The following BMPR1B variants were observed in gnomAD, a reference collection of about 807,000 sequenced individuals.
The protein encoded by BMPR1B is bone morphogenetic protein receptor type-1B.
Under a neutral mutation model 59.1 loss-of-function variants are expected in BMPR1B, and 12 were observed. That is an observed-to-expected ratio of 0.20 (90% CI 0.13 to 0.33). BMPR1B has a LOEUF of 0.33. Among genes scored for constraint, BMPR1B ranks in the 10% least tolerant of loss-of-function variants. The pLI is 1.00. For missense variants in BMPR1B, 550 were observed against 610.9 expected (o/e 0.90, Z 1.05); for synonymous variants, 237 against 207.3 (o/e 1.14, Z -1.23).
chr4:94,779,865 T>C (rs1345520728), intron 1 of BMPR1B, among the ~76,000 whole-genome samples: 1 of 152,076 alleles, frequency 6.6e-6, no homozygotes. Flanking sequence ...GATGTTCTCT[T>C]ATATTCCTAA....
intron 3 of BMPR1B, among the ~76,000 whole-genome samples, chr4:95,050,981 A>G (rs1460204603): frequency 3.9e-5 from 6 of 152,318 alleles, no homozygotes; most frequent in African/African-American, 4.8e-5. Flanking sequence ...AAAACTTGCA[A>G]TGGTTTTATT....
intron 2 of BMPR1B, among the ~76,000 whole-genome samples, chr4:94,927,427 G>A (rs976285376): frequency 6.6e-6 from 1 of 152,098 alleles, no homozygotes; most frequent in Admixed American, 6.6e-5. Flanking sequence ...TCCTAAAAGG[G>A]CAGGATCAGA....
At chr4:95,061,016 G>A (rs1017900955) in intron 3 of BMPR1B, among the ~76,000 whole-genome samples, 5 of 144,572 alleles carry the variant, frequency 3.5e-5, no homozygotes, top group African/African-American at 7.8e-5. Context: ...TTGCCTCTTC[G>A]GAAGTAAATA....
intron 1 of BMPR1B, among the ~76,000 whole-genome samples, chr4:94,821,961 T>C (rs1001836727): frequency 1.3e-5 from 2 of 152,200 alleles, no homozygotes; most frequent in Non-Finnish European, 2.9e-5. Flanking sequence ...CATTGACTTA[T>C]TCTGTTTTGG....
intron 2 of BMPR1B, among the ~76,000 whole-genome samples, 191 bp downstream of exon 2, chr4:94,876,091 C>T (rs1726720473): frequency 6.6e-6 from 1 of 152,154 alleles, no homozygotes; most frequent in Non-Finnish European, 1.5e-5. Context: ...TGTAAATCAA[C>T]ATGACAAGGT....
intron 3 of BMPR1B, among the ~76,000 whole-genome samples, chr4:95,034,628 T>C (rs888015441): frequency 6.8e-6 from 1 of 146,288 alleles, no homozygotes; most frequent in African/African-American, 2.5e-5. Flanking sequence ...TATGGCTTAG[T>C]AGTATTCCAT....
At chr4:94,767,576 A>T (rs1386031605) in intron 1 of BMPR1B, among the ~76,000 whole-genome samples, 5 of 152,170 alleles carry the variant, frequency 3.3e-5, no homozygotes, top group Non-Finnish European at 7.4e-5. Context: ...CTTATCGTTA[A>T]CATCTGTAGC....
At chr4:94,978,459 G>A (rs1731111102) in intron 2 of BMPR1B, among the ~76,000 whole-genome samples, 1 of 152,178 alleles carries the variant, frequency 6.6e-6, no homozygotes, top group African/African-American at 2.4e-5. Context: ...CACATTGGAT[G>A]GTTTGGCCTT....
intron 1 of BMPR1B, among the ~76,000 whole-genome samples, chr4:94,845,932 G>T (rs1444983994): frequency 6.6e-6 from 1 of 152,096 alleles, no homozygotes; most frequent in African/African-American, 2.4e-5. Flanking sequence ...TTAGTAATCT[G>T]TGTTAATATT....
At chr4:95,007,624 A>G (rs1722937836) in intron 3 of BMPR1B, among the ~76,000 whole-genome samples, 1 of 152,184 alleles carries the variant, frequency 6.6e-6, no homozygotes. Flanking sequence ...TTGCATTTTA[A>G]AAGGATTTTA....
intron 1 of BMPR1B, among the ~76,000 whole-genome samples, chr4:94,816,756 A>G (rs1404608025): frequency 6.6e-6 from 1 of 152,238 alleles, no homozygotes; most frequent in Non-Finnish European, 1.5e-5. Flanking sequence ...CTTAGAAGGC[A>G]GTACTATGGA....
At chr4:94,773,272 A>G (rs750655058) in intron 1 of BMPR1B, among the ~76,000 whole-genome samples, 2 of 152,072 alleles carry the variant, frequency 1.3e-5, no homozygotes, top group African/African-American at 4.8e-5. Context: ...TAATAGTAGC[A>G]TATATCATTA....
intron 2 of BMPR1B, among the ~76,000 whole-genome samples, chr4:94,896,429 T>A (rs1480774186): frequency 6.6e-6 from 1 of 151,974 alleles, no homozygotes; most frequent in Non-Finnish European, 1.5e-5. Flanking sequence ...CTGAATTAAA[T>A]CTGAAAGTTG....
intron 2 of BMPR1B, among the ~76,000 whole-genome samples, chr4:94,968,126 A>G (rs1349126708): frequency 1.3e-5 from 2 of 152,130 alleles, no homozygotes; most frequent in Non-Finnish European, 2.9e-5. Flanking sequence ...GGACTTCCCT[A>G]GCATCTCTCC....
At chr4:94,814,652 C>T (rs190161789) in intron 1 of BMPR1B, among the ~76,000 whole-genome samples, 8 of 152,256 alleles carry the variant, frequency 5.3e-5, no homozygotes, top group African/African-American at 1.2e-4. Flanking sequence ...ATAAAGAGTG[C>T]TTAAAACTGT....
chr4:95,094,256 GTCATCCTTGAACAAACT>G (rs1178956949), intron 3 of BMPR1B, among the ~76,000 whole-genome samples: 1 of 152,040 alleles, frequency 6.6e-6, no homozygotes, highest in African/African-American at 2.4e-5. Context: ...GAATATTTTA[GTCATCCTTGAACAAACT>G]TTCAGTATGT....
At chr4:94,874,762 C>T (rs926146882) in intron 1 of BMPR1B, among the ~76,000 whole-genome samples, 1 of 151,980 alleles carries the variant, frequency 6.6e-6, no homozygotes, top group Admixed American at 6.6e-5. Context: ...GAGGCCGAGG[C>T]GGGTAGATCA....
intron 3 of BMPR1B, among the ~76,000 whole-genome samples, chr4:95,009,583 C>T (rs187051202): frequency 6.6e-6 from 1 of 152,238 alleles, no homozygotes; most frequent in Admixed American, 6.5e-5. Context: ...CCTCTCTTAG[C>T]AAGTTGAAGT....
chr4:94,808,468 T>G (rs1472984217), intron 1 of BMPR1B, among the ~76,000 whole-genome samples: 1 of 152,150 alleles, frequency 6.6e-6, no homozygotes, highest in Non-Finnish European at 1.5e-5. Flanking sequence ...TCCCACACTG[T>G]GAGATGTTTA....
Sources: allele counts gnomAD v4.1 joint callset (sites outside exome capture counted in the v4.1 genomes callset), GRCh38; gene constraint gnomAD v4.1.1; transcripts MANE v1.5; gene names NCBI Gene and HGNC (gene_info 2026-07-23, HGNC 2026-07-21).